Variants in IQCE observed in about 807,000 individuals in gnomAD.
IQCE encodes the protein IQ domain-containing protein E.
IQCE carries 115 observed loss-of-function variants against 96.0 expected under a neutral mutation model. The ratio of observed to expected loss-of-function variants is 1.20; its 90% CI spans 1.03 to 1.40. The LOEUF (loss-of-function observed/expected upper bound fraction) is 1.40, where lower values mean the gene tolerates loss of function less well. IQCE is among the 40% of genes most tolerant of loss of function. The pLI is 0.00. For synonymous variants in IQCE, 412 were observed against 371.2 expected, an observed-to-expected ratio of 1.11 and a Z score of -1.26; for missense variants, 1,041 against 909.1, an observed-to-expected ratio of 1.15 and a Z score of -1.87.
chr7:2,589,924 G>T lies in IQCE; in HGVS notation c.1062G>T (p.Glu354Asp). The stretch of plus-strand genomic sequence containing the variant: ...GCCTCCAGAAACTAAGTGTGATGGA[G>T]AGCTCAAAATCACACGCCGCAGAGC... The part of the protein sequence containing the change: ...VELEKKLSVM[E>D]SSKSHAAEPV... The change falls in exon 14 of 22, where the codon GAG (glutamate) becomes GAT (aspartate). Residue 354 changes from glutamate to aspartate, a missense_variant. Transcript: ENST00000402050. 6.2e-7 allele frequency: 1 copy of T among 1,613,884 alleles called. No homozygotes were observed. Among genetic ancestry groups the T allele is most frequent in the Non-Finnish European group, 8.5e-7 (1 of 1,180,022 alleles).
intron 13 of IQCE, 71 bp from the exon 14 acceptor site, chr7:2,589,836 C>G: frequency 2.7e-6 from 4 of 1,506,038 alleles, no homozygotes; most frequent in East Asian, 2.3e-5. Flanking sequence ...TTCAGTGTCT[C>G]TTTTCTGGGT....
intron 12 of IQCE, among the ~76,000 whole-genome samples, chr7:2,587,479 G>A (rs1477403434): frequency 6.6e-6 from 1 of 152,168 alleles, no homozygotes; most frequent in Non-Finnish European, 1.5e-5. Context: ...TGCCAGGAAG[G>A]GGACAGGCTG....
intron 16 of IQCE, 98 bp from the exon 17 acceptor site, chr7:2,598,367 G>T: frequency 1.6e-6 from 2 of 1,217,246 alleles, no homozygotes; most frequent in East Asian, 2.5e-5. Flanking sequence ...CCTGATAAGC[G>T]CAGCCGCACC....
chr7:2,576,948 G>T (rs1782171296), intron 6 of IQCE, among the ~76,000 whole-genome samples: 2 of 152,214 alleles, frequency 1.3e-5, no homozygotes, highest in African/African-American at 4.8e-5. Context: ...ATTCGTTTAG[G>T]CGCGCATTCC....
chr7:2,589,228 TGTG>T lies in IQCE; in HGVS notation c.1045-672_1045-670del, dbSNP rs529999870. 1.8e-3 allele frequency among the ~76,000 whole-genome samples: 275 copies of T among 151,908 alleles called. 1 individual carries two copies. The highest frequency in any genetic ancestry group is 3.0e-3 in the Non-Finnish European group (204 of 67,920). ...ACAAAAATAAAAACAATTAGCCTGG[TGTG>T]GTGGTGCACACCTGTATTCCCAGCT... On this transcript the variant is annotated intron_variant, in intron 13 of 21. Coordinates refer to ENST00000402050, the MANE Select transcript of IQCE (RefSeq NM_152558.5).
chr7:2,586,229 G>A lies in IQCE; in HGVS notation c.846G>A (p.Thr282=), dbSNP rs751792535. The A allele has an allele frequency of 2.4e-5, 38 of 1,613,746 alleles. No individual in the cohort carries two copies. The highest frequency in any genetic ancestry group is 1.8e-4 in the East Asian group (8 of 44,872). ...CCAGGCCCCTGGGGGAGAAGAAGAC[G>A]GGCGCCAAAAGGCAGAAGAAGATGG... ...TGKKPLGEKK[T]GAKRQKKMGS... is the part of the protein sequence containing the mutation. Residue 282 remains threonine, a synonymous_variant, in exon 12 of 22, where the codon ACG becomes ACA. Coordinates refer to ENST00000402050, the MANE Select transcript of IQCE (RefSeq NM_152558.5).
chr7:2,609,409 T>C (rs1181423889), intron 21 of IQCE, among the ~76,000 whole-genome samples: 1 of 150,076 alleles, frequency 6.7e-6, no homozygotes, highest in Admixed American at 6.7e-5. Context: ...GCCTCCAGAG[T>C]CCTGGGGTTA....
At chr7:2,573,120 G>A (rs1183262356) in intron 5 of IQCE, among the ~76,000 whole-genome samples, 2 of 152,160 alleles carry the variant, frequency 1.3e-5, no homozygotes, top group Non-Finnish European at 2.9e-5. Flanking sequence ...ATCTGAACAT[G>A]TCCCTCCTCC....
At chr7:2,604,290 C>T (rs1440440022) in intron 18 of IQCE, among the ~76,000 whole-genome samples, 2 of 152,064 alleles carry the variant, frequency 1.3e-5, no homozygotes, top group African/African-American at 2.4e-5. Flanking sequence ...AGCTAATTTT[C>T]TGTAGAGACG....
At chr7:2,605,329 C>T (rs1341697980) in intron 19 of IQCE, among the ~76,000 whole-genome samples, 1 of 152,146 alleles carries the variant, frequency 6.6e-6, no homozygotes, top group Non-Finnish European at 1.5e-5. Flanking sequence ...GTTTAAGAAT[C>T]CCTATAGTAG....
intron 5 of IQCE, 75 bp downstream of exon 5, chr7:2,572,401 G>T: frequency 6.8e-7 from 1 of 1,478,102 alleles, no homozygotes; most frequent in Non-Finnish European, 9.1e-7. Flanking sequence ...GGCTGGAGGC[G>T]TCCTTCGTCA....
At chr7:2,565,362 C>T (rs1222218746) in intron 1 of IQCE, among the ~76,000 whole-genome samples, 2 of 152,230 alleles carry the variant, frequency 1.3e-5, no homozygotes, top group Non-Finnish European at 2.9e-5. Context: ...CTCTTCCCTG[C>T]ACTATGACCG....
At chr7:2,585,569 C>A (rs964886362) in intron 11 of IQCE, among the ~76,000 whole-genome samples, 1 of 152,376 alleles carries the variant, frequency 6.6e-6, no homozygotes, top group Admixed American at 6.5e-5. Context: ...CGCAAGGCAG[C>A]GTCACGAGCA....
At chr7:2,575,456 G>T (rs966844560) in intron 6 of IQCE, among the ~76,000 whole-genome samples, 2 of 152,262 alleles carry the variant, frequency 1.3e-5, no homozygotes, top group Non-Finnish European at 2.9e-5. Flanking sequence ...CTCCTGCTCA[G>T]CCTTTGCTGA....
intron 2 of IQCE, 23 bp downstream of exon 2, chr7:2,567,186 C>G: frequency 1.2e-6 from 2 of 1,607,218 alleles, no homozygotes. Flanking sequence ...GGGTGTCAGC[C>G]GTGCGACCTC....
intron 8 of IQCE, among the ~76,000 whole-genome samples, chr7:2,581,038 T>C (rs1371177310): frequency 1.3e-5 from 2 of 151,782 alleles, no homozygotes; most frequent in East Asian, 3.9e-4. Flanking sequence ...AGAGACGGGG[T>C]TTCACCGTGT....
chr7:2,584,551 A>G (rs1356799075), intron 11 of IQCE: 2 of 457,052 alleles, frequency 4.4e-6, no homozygotes, highest in South Asian at 6.0e-5. Flanking sequence ...CCTGCCTTCC[A>G]GCTTAGAGCT....
Position 2,578,091 on chromosome 7 carries a change from T to C in IQCE, c.466-151T>C, listed in dbSNP as rs556316714. On this transcript the variant is annotated intron_variant, in intron 6 of 21. Transcript: ENST00000402050. ...TGTGCGCGGGGACGTGTGTGCGGCGTGCGCGCAGTGGCGTGTGCGTGGCTG... is the reference window on the plus strand; with the variant it reads ...TGTGCGCGGGGACGTGTGTGCGGCGCGCGCGCAGTGGCGTGTGCGTGGCTG... 2,255 of 591,852 alleles carry C rather than the reference T, an allele frequency of 3.8e-3. 69 individuals are homozygous for C. The African/African-American group carries it at 0.043, about 11-fold the overall frequency. 36.7% of individuals were successfully genotyped at this position (591,852 alleles called of 1,614,324 possible).
At chr7:2,569,109 A>G in intron 3 of IQCE, 110 bp downstream of exon 3, 1 of 1,048,776 alleles carries the variant, frequency 9.5e-7, no homozygotes, top group Non-Finnish European at 1.4e-6. Context: ...CTGACGCCTC[A>G]GCCAGTTGGC....
Sources: allele counts gnomAD v4.1 joint callset (sites outside exome capture counted in the v4.1 genomes callset), GRCh38; gene constraint gnomAD v4.1.1; transcripts MANE v1.5; gene names NCBI Gene and HGNC (gene_info 2026-07-23, HGNC 2026-07-21).